GABBR2: variants seen among roughly 807,000 people sequenced by gnomAD.
GABBR2 encodes gamma-aminobutyric acid type B receptor subunit 2.
GABBR2 carries 23 observed loss-of-function variants against 105.6 expected under a neutral mutation model. The observed-to-expected ratio is 0.22, with a 90% CI of 0.16 to 0.31. The LOEUF (loss-of-function observed/expected upper bound fraction) is 0.31. GABBR2 is among the 10% of genes least tolerant of loss of function. GABBR2 has a pLI of 1.00. For missense variants in GABBR2, 734 were observed against 1,245.5 expected, an observed-to-expected ratio of 0.59 and a Z score of 6.18; for synonymous variants, 478 against 499.7, an observed-to-expected ratio of 0.96 and a Z score of 0.58.
intron 18 of GABBR2, among the ~76,000 whole-genome samples, chr9:98,292,061 C>G (rs983318365): frequency 6.6e-6 from 1 of 152,196 alleles, no homozygotes; most frequent in Non-Finnish European, 1.5e-5. Flanking sequence ...AGGCTGCTTG[C>G]GGCAAATGTG....
At chr9:98,644,891 T>A (rs1930423) in intron 1 of GABBR2, among the ~76,000 whole-genome samples, 22,002 of 152,142 alleles carry the variant, frequency 0.14, 2,232 homozygotes, top group East Asian at 0.47. Context: ...TGATATAAGG[T>A]TGGACTGGCC....
intron 5 of GABBR2, 119 bp downstream of exon 5, chr9:98,480,813 C>A: frequency 1.4e-6 from 1 of 708,354 alleles, no homozygotes; most frequent in South Asian, 1.6e-5. Context: ...CTTCTGCTTC[C>A]AGGAACCCAG....
chr9:98,373,552 G>A (rs982928445), intron 11 of GABBR2, among the ~76,000 whole-genome samples: 2 of 152,144 alleles, frequency 1.3e-5, no homozygotes, highest in African/African-American at 2.4e-5. Flanking sequence ...CTACACCTAG[G>A]AGCCGGATGT....
At chr9:98,510,082 C>T (rs1334495782) in intron 3 of GABBR2, among the ~76,000 whole-genome samples, 1 of 152,240 alleles carries the variant, frequency 6.6e-6, no homozygotes, top group Non-Finnish European at 1.5e-5. Context: ...TCAGCAGAAA[C>T]TCTACAAGCC....
chr9:98,399,848 C>T (rs1832359178), intron 8 of GABBR2, among the ~76,000 whole-genome samples: 2 of 151,860 alleles, frequency 1.3e-5, no homozygotes, highest in Non-Finnish European at 2.9e-5. Flanking sequence ...CTTCTGCAGA[C>T]CAACAAGAAA....
chr9:98,488,914 C>G (rs555603432), intron 4 of GABBR2, among the ~76,000 whole-genome samples: 1 of 152,290 alleles, frequency 6.6e-6, no homozygotes, highest in Admixed American at 6.5e-5. Context: ...AGTTATTAAA[C>G]TTTCGTGAGC....
At chr9:98,553,334 C>A (rs1341619520) in intron 2 of GABBR2, among the ~76,000 whole-genome samples, 1 of 151,994 alleles carries the variant, frequency 6.6e-6, no homozygotes, top group Non-Finnish European at 1.5e-5. Context: ...TGGCTAACAC[C>A]TGTAATCCCA....
At chr9:98,694,674 C>T (rs998174092) in intron 1 of GABBR2, among the ~76,000 whole-genome samples, 3 of 152,150 alleles carry the variant, frequency 2.0e-5, no homozygotes, top group African/African-American at 2.4e-5. Context: ...TAGTTTCGGG[C>T]GTATTTTATA....
Position 98,549,314 on chromosome 9 carries a change from T to C in GABBR2, c.460-7271A>G, listed in dbSNP as rs1276623328. On this transcript the variant is annotated intron_variant, in intron 2 of 18. Coordinates refer to ENST00000259455, the MANE Select transcript of GABBR2 (RefSeq NM_005458.8). ...GTTTTATTGGGTACCAAATGTTTTA[T>C]TGAGTAGCCAAATACCCTTTTTTTT... Among the ~76,000 whole-genome samples, 3 of 58,928 alleles carry C rather than the reference T, an allele frequency of 5.1e-5. 1 individual carries two copies. The Admixed American group carries it at 6.9e-4, about 14-fold the overall frequency. 38.7% of individuals were successfully genotyped at this position (58,928 alleles called of 152,430 possible).
At chr9:98,500,968 C>T (rs1019662717) in intron 3 of GABBR2, among the ~76,000 whole-genome samples, 8 of 152,092 alleles carry the variant, frequency 5.3e-5, no homozygotes, top group African/African-American at 1.9e-4. Flanking sequence ...GTTTAGAGAA[C>T]CACATTCTAA....
At chr9:98,645,630 G>A (rs1194462342) in intron 1 of GABBR2, among the ~76,000 whole-genome samples, 2 of 152,146 alleles carry the variant, frequency 1.3e-5, no homozygotes, top group African/African-American at 2.4e-5. Flanking sequence ...CTGTGTATGC[G>A]AAAGCCCCAT....
chr9:98,560,154 T>C (rs986524846), intron 2 of GABBR2, among the ~76,000 whole-genome samples: 20 of 152,018 alleles, frequency 1.3e-4, no homozygotes, highest in Admixed American at 1.2e-3. Flanking sequence ...GACTATGGAA[T>C]CATATAAAAG....
intron 2 of GABBR2, among the ~76,000 whole-genome samples, chr9:98,569,656 G>A (rs1363997907): frequency 6.6e-6 from 1 of 152,212 alleles, no homozygotes; most frequent in Non-Finnish European, 1.5e-5. Context: ...GCTGGAGGGT[G>A]AGCCACGGAG....
At chr9:98,380,608 T>C (rs1284193722) in intron 11 of GABBR2, among the ~76,000 whole-genome samples, 1 of 152,210 alleles carries the variant, frequency 6.6e-6, no homozygotes, top group Non-Finnish European at 1.5e-5. Flanking sequence ...GTGACTCCAC[T>C]ACCCGCACAG....
chr9:98,340,288 C>A (rs1276714163), intron 13 of GABBR2, among the ~76,000 whole-genome samples: 1 of 151,374 alleles, frequency 6.6e-6, no homozygotes, highest in African/African-American at 2.4e-5. Context: ...CAGATTCAAT[C>A]TTAGTTCATA....
chr9:98,436,029 C>A (rs1006015526), intron 7 of GABBR2, among the ~76,000 whole-genome samples: 1 of 151,594 alleles, frequency 6.6e-6, no homozygotes, highest in Non-Finnish European at 1.5e-5. Flanking sequence ...GCCCTGCTCA[C>A]AGTTGTACCC....
intron 13 of GABBR2, among the ~76,000 whole-genome samples, chr9:98,361,911 C>T (rs776557429): frequency 2.0e-5 from 3 of 152,208 alleles, no homozygotes; most frequent in Non-Finnish European, 4.4e-5. Context: ...AGATAAAAGG[C>T]TCTGCCCTCA....
intron 2 of GABBR2, among the ~76,000 whole-genome samples, chr9:98,571,012 G>A (rs957242825): frequency 2.6e-5 from 4 of 152,242 alleles, no homozygotes; most frequent in African/African-American, 2.4e-5. Flanking sequence ...GTACCAGGCC[G>A]AGGGGCAGGG....
intron 7 of GABBR2, among the ~76,000 whole-genome samples, chr9:98,428,923 A>G (rs1429971076): frequency 6.6e-6 from 1 of 152,188 alleles, no homozygotes; most frequent in Non-Finnish European, 1.5e-5. Context: ...ACAGTTTCCT[A>G]TCACTTGCAC....
Sources: gnomAD v4.1 joint callset for allele counts (sites outside exome capture counted in the v4.1 genomes callset) on GRCh38, gnomAD v4.1.1 for gene constraint, MANE v1.5 for transcripts, NCBI Gene and HGNC (gene_info 2026-07-23, HGNC 2026-07-21) for gene names.